Variants in ABCA12 observed in about 807,000 individuals in gnomAD.
ABCA12 encodes the protein ATP binding cassette subfamily A member 12.
Under a neutral mutation model 293.5 loss-of-function variants are expected in ABCA12, and 156 were observed. The observed-to-expected ratio is 0.53, with a 90% CI of 0.47 to 0.61. The LOEUF (loss-of-function observed/expected upper bound fraction) is 0.61, where lower values mean the gene tolerates loss of function less well. ABCA12 is among the 20% of genes least tolerant of loss of function. The pLI, the probability that ABCA12 is intolerant of heterozygous loss-of-function variation, is 0.00. For synonymous variants in ABCA12, 1,063 were observed against 1,108.0 expected, an observed-to-expected ratio of 0.96 and a Z score of 0.81; for missense variants, 2,797 against 3,090.2, an observed-to-expected ratio of 0.91 and a Z score of 2.25.
chr2:215,018,933 T>C (rs1480184356), intron 13 of ABCA12, among the ~76,000 whole-genome samples: 1 of 152,236 alleles, frequency 6.6e-6, no homozygotes, highest in Non-Finnish European at 1.5e-5. Context: ...GGAATACTAA[T>C]AGAAAGTTCT....
At chr2:214,963,765 C>CA (rs1182421666) in intron 39 of ABCA12, among the ~76,000 whole-genome samples, 1 of 151,094 alleles carries the variant, frequency 6.6e-6, no homozygotes, top group Non-Finnish European at 1.5e-5. Context: ...ACTAAAAATA[C>CA]AAAAAATTAG....
rs114303007 is a variant in ABCA12, at chr2:215,072,796, C to T, written c.164-8577G>A. ...ATACTTTCAAAACATTTCCACTTAACAAAGAATGTTGAGTTCTTCGCCAGG... is the reference window on the plus strand; with the variant it reads ...ATACTTTCAAAACATTTCCACTTAATAAAGAATGTTGAGTTCTTCGCCAGG... On this transcript the variant is annotated intron_variant, in intron 2 of 52. Transcript: ENST00000272895. 7.7e-3 allele frequency among the ~76,000 whole-genome samples: 1,171 copies of T among 152,270 alleles called. 9 individuals carry two copies. Among genetic ancestry groups the T allele is most frequent in the African/African-American group, 0.026 (1,095 of 41,554 alleles).
At chr2:215,040,613 A>T (rs1200393706) in intron 7 of ABCA12, among the ~76,000 whole-genome samples, 3 of 152,172 alleles carry the variant, frequency 2.0e-5, no homozygotes, top group African/African-American at 7.2e-5. Flanking sequence ...GTTCAAGACC[A>T]GCCTGGCCAA....
chr2:215,053,404 T>C (rs185112448), intron 4 of ABCA12, among the ~76,000 whole-genome samples: 1 of 152,282 alleles, frequency 6.6e-6, no homozygotes, highest in East Asian at 1.9e-4. Context: ...CTGAAGAATT[T>C]GCCATCTGAT....
intron 1 of ABCA12, among the ~76,000 whole-genome samples, chr2:215,121,364 G>A (rs948487958): frequency 1.3e-5 from 2 of 152,154 alleles, no homozygotes; most frequent in African/African-American, 2.4e-5. Flanking sequence ...ACTTTTTATT[G>A]CAAACTTGAA....
At position 215,089,043 on chromosome 2, in the gene ABCA12, G is replaced by T. The variant is rs1008475116; in HGVS notation, c.163+22554C>A. ...CAGGCACATTGAAAGAGCAGGGAGA[G>T]TTTAGGAAATTTTTAAACAGAAAGG... On this transcript the variant is annotated intron_variant, in intron 2 of 52. Coordinates refer to ENST00000272895, the MANE Select transcript of ABCA12 (RefSeq NM_173076.3). 1.3e-5 allele frequency among the ~76,000 whole-genome samples: 2 copies of T among 152,134 alleles called. 1 individual carries two copies. Among genetic ancestry groups the T allele is most frequent in the Non-Finnish European group, 2.9e-5 (2 of 68,022 alleles).
Position 214,944,414 on chromosome 2 carries a change from TAAAAAAAATTAAAAAATAA to T in ABCA12, c.7343+568_7343+586del, listed in dbSNP as rs949012744. On this transcript the variant is annotated intron_variant, in intron 49 of 52. Coordinates refer to ENST00000272895, the MANE Select transcript of ABCA12 (RefSeq NM_173076.3). ...GTGACAGAGTAAGACTCTGTCTAAA[TAAAAAAAATTAAAAAATAA>T]AAAAAAAATTTCAAATAGAAAGCAC... 4.6e-5 allele frequency among the ~76,000 whole-genome samples: 6 copies of T among 130,042 alleles called. No homozygotes were observed. In the Admixed American group the frequency reaches 4.8e-4, roughly 10 times the overall value. 85.3% of individuals were successfully genotyped at this position (130,042 alleles called of 152,430 possible).
At chr2:215,122,809 G>C (rs759542053) in intron 1 of ABCA12, among the ~76,000 whole-genome samples, 5 of 152,086 alleles carry the variant, frequency 3.3e-5, no homozygotes, top group Non-Finnish European at 7.4e-5. Flanking sequence ...AAAAATTTGC[G>C]ATTTGGGGGT....
At chr2:214,957,784 C>T (rs750317486) in intron 41 of ABCA12, among the ~76,000 whole-genome samples, 2 of 152,204 alleles carry the variant, frequency 1.3e-5, no homozygotes, top group African/African-American at 2.4e-5. Context: ...CTTTTTCCTA[C>T]TAATCTTCTC....
intron 49 of ABCA12, 71 bp from the exon 50 acceptor site, chr2:214,943,088 G>A (rs1248395938): frequency 8.5e-7 from 1 of 1,179,740 alleles, no homozygotes; most frequent in Non-Finnish European, 1.3e-6. Context: ...ATGAGCATAA[G>A]CATAATTGTT....
Position 215,020,547 on chromosome 2 carries a change from T to G in ABCA12, c.1288-751A>C, listed in dbSNP as rs1574989180. ...GGCTGGGGAAGTAGAAGATGAGGAG[T>G]TGTTTAATGAATATGGAGTTTCAGT... is the stretch of plus-strand genomic sequence containing the variant. On this transcript the variant is annotated intron_variant, in intron 11 of 52. Coordinates refer to ENST00000272895, the MANE Select transcript of ABCA12 (RefSeq NM_173076.3). Among the ~76,000 whole-genome samples the G allele has an allele frequency of 2.0e-5, 3 of 151,900 alleles. 1 individual carries two copies. The South Asian group carries it at 6.2e-4, about 32-fold the overall frequency.
intron 48 of ABCA12, among the ~76,000 whole-genome samples, chr2:214,945,789 C>T (rs1698563912): frequency 1.3e-5 from 2 of 151,918 alleles, no homozygotes; most frequent in South Asian, 4.1e-4. Flanking sequence ...ATACTTGTAA[C>T]AAAGAATATG....
intron 34 of ABCA12, 22 bp from the exon 35 acceptor site, chr2:214,974,886 A>G: frequency 1.9e-6 from 3 of 1,599,758 alleles, no homozygotes; most frequent in Admixed American, 1.7e-5. Context: ...AAGGACAGAA[A>G]CAAATTCATG....
At chr2:215,111,734 C>G (rs1460949538) in intron 1 of ABCA12, 44 bp from the exon 2 acceptor site, 28 of 1,469,952 alleles carry the variant, frequency 1.9e-5, no homozygotes, top group Non-Finnish European at 2.6e-5. Flanking sequence ...TATTGTTGAA[C>G]CAAAGATTTT....
intron 37 of ABCA12, 88 bp downstream of exon 37, chr2:214,970,185 A>G (rs1559121349): frequency 7.5e-7 from 1 of 1,340,246 alleles, no homozygotes; most frequent in Non-Finnish European, 1.0e-6. Context: ...AATGTAAACA[A>G]TAGAAATTTG....
intron 2 of ABCA12, among the ~76,000 whole-genome samples, chr2:215,101,842 C>T (rs917527168): frequency 1.3e-5 from 2 of 152,170 alleles, no homozygotes; most frequent in East Asian, 1.9e-4. Context: ...TTCTTTTAGC[C>T]TCAGTTACTA....
At chr2:215,046,692 CTG>C (rs1363495194) in intron 6 of ABCA12, among the ~76,000 whole-genome samples, 2 of 151,718 alleles carry the variant, frequency 1.3e-5, no homozygotes, top group African/African-American at 4.8e-5. Flanking sequence ...ATTATTATAA[CTG>C]TATTTTTTTG....
intron 50 of ABCA12, among the ~76,000 whole-genome samples, chr2:214,938,940 G>A (rs1163552987): frequency 1.3e-5 from 2 of 152,096 alleles, no homozygotes; most frequent in African/African-American, 4.8e-5. Context: ...TTCTTTTGCT[G>A]TGCAGAAGTT....
intron 11 of ABCA12, chr2:215,021,929 T>G (rs1403852445): frequency 6.6e-6 from 1 of 152,186 alleles, no homozygotes; most frequent in East Asian, 1.9e-4. Context: ...CTTACTAGTG[T>G]TATTGCTATG....
Sources: allele counts gnomAD v4.1 joint callset (sites outside exome capture counted in the v4.1 genomes callset), GRCh38; gene constraint gnomAD v4.1.1; transcripts MANE v1.5; gene names NCBI Gene and HGNC (gene_info 2026-07-23, HGNC 2026-07-21).